The following TNC variants were observed in gnomAD, a reference collection of about 807,000 sequenced individuals.
TNC encodes tenascin C, also known as tenascin.
In TNC, 109 loss-of-function variants were observed where a neutral mutation model predicts 202.4. The observed-to-expected ratio is 0.54, with a 90% CI of 0.46 to 0.63. The LOEUF (loss-of-function observed/expected upper bound fraction) is 0.63, where lower values mean the gene tolerates loss of function less well. TNC is among the 30% of genes least tolerant of loss of function. The pLI is 0.00. For synonymous variants in TNC, 1,007 were observed against 1,089.7 expected, an observed-to-expected ratio of 0.92 and a Z score of 1.50; for missense variants, 2,756 against 2,833.3, an observed-to-expected ratio of 0.97 and a Z score of 0.62.
At chr9:115,042,034 A>C (rs897141413) in intron 18 of TNC, among the ~76,000 whole-genome samples, 185 bp downstream of exon 18, 1 of 152,238 alleles carries the variant, frequency 6.6e-6, no homozygotes, top group African/African-American at 2.4e-5. Flanking sequence ...CTTCACAAGA[A>C]AGTTTCTTCT....
At chr9:115,083,511 C>A (rs1834465971) in intron 4 of TNC, among the ~76,000 whole-genome samples, 1 of 152,040 alleles carries the variant, frequency 6.6e-6, no homozygotes, top group South Asian at 2.1e-4. Context: ...GGATAAGATG[C>A]TTAACCATGC....
At chr9:115,082,435 G>A (rs1834373063) in intron 5 of TNC, among the ~76,000 whole-genome samples, 1 of 152,168 alleles carries the variant, frequency 6.6e-6, no homozygotes, top group Non-Finnish European at 1.5e-5. Flanking sequence ...TTTCTAAGGT[G>A]ATGATGGACA....
intron 9 of TNC, 148 bp downstream of exon 9, chr9:115,075,884 A>G (rs1484776775): frequency 1.5e-6 from 1 of 667,674 alleles, no homozygotes; most frequent in Non-Finnish European, 2.6e-6. Flanking sequence ...GTTCCTTTTG[A>G]ATTTCAACAT....
In TNC at chr9:115,064,041, A is replaced by T; in HGVS notation, c.3515T>A (p.Val1172Glu). ...TGETPNLGEV[V>E]VAEVGWDALK... Reference sequence around the variant, plus strand: ...GGCATCCCAGCCCACCTCGGCCACCACGACCTCTCCCAAATTGGGAGTTTC... The same window carrying T: ...GGCATCCCAGCCCACCTCGGCCACCTCGACCTCTCCCAAATTGGGAGTTTC... Residue 1172 changes from valine (V) to glutamate (E), a missense_variant, in exon 12 of 28, where the codon GTG (valine) becomes GAG (glutamate). Transcript: ENST00000350763. 1 of 1,610,496 alleles carries T rather than the reference A, an allele frequency of 6.2e-7. No individual in the cohort carries two copies. The highest frequency in any genetic ancestry group is 8.5e-7 in the Non-Finnish European group (1 of 1,177,830).
intron 24 of TNC, among the ~76,000 whole-genome samples, chr9:115,029,875 T>C (rs1276774555): frequency 1.3e-5 from 2 of 152,158 alleles, no homozygotes; most frequent in African/African-American, 2.4e-5. Context: ...CCTATGGTAA[T>C]GGGGTCGGAA....
chr9:115,047,204 T>C, intron 16 of TNC, among the ~76,000 whole-genome samples: 1 of 151,798 alleles, frequency 6.6e-6, no homozygotes, highest in East Asian at 1.9e-4. Flanking sequence ...GCTTTGTTCT[T>C]AGTGCTGTTT....
In TNC at chr9:115,076,562, G is replaced by A; in HGVS notation, c.2688C>T (p.Pro896=). 6.2e-7 allele frequency: 1 copy of A among 1,614,168 alleles called. No individual in the cohort carries two copies. Among genetic ancestry groups the A allele is most frequent in the Non-Finnish European group, 8.5e-7 (1 of 1,180,012 alleles). ...KETFTTGLDA[P]RNLRRVSQTD... is the part of the protein sequence containing the mutation. ...TCTGGGAAACACGTCGAAGATTCCT[G>A]GGAGCATCGAGGCCTGTTTGAGAGA... The change falls in exon 8 of 28, where the codon CCC becomes CCT. Residue 896 remains proline, a synonymous_variant. Coordinates refer to ENST00000350763, the MANE Select transcript of TNC (RefSeq NM_002160.4).
At chr9:115,048,724 C>A (rs1383020665) in intron 15 of TNC, among the ~76,000 whole-genome samples, 192 bp from the exon 16 acceptor site, 1 of 152,066 alleles carries the variant, frequency 6.6e-6, no homozygotes, top group Non-Finnish European at 1.5e-5. Flanking sequence ...TCTTAATAGC[C>A]CATGAGGTAG....
intron 7 of TNC, 86 bp downstream of exon 7, chr9:115,077,857 G>A (rs1833995173): frequency 1.4e-6 from 2 of 1,414,128 alleles, no homozygotes; most frequent in Admixed American, 2.0e-5. Context: ...TGTAAAATGA[G>A]CCTGGAAGAT....
rs1256274039 is a variant in TNC, at chr9:115,076,538, C to T, written c.2712G>A (p.Gln904=). ...DAPRNLRRVS[Q]TDNSITLEWR... is the part of the protein sequence containing the mutation. ...ATTCCAGGGTGATGCTGTTATCTGT[C>T]TGGGAAACACGTCGAAGATTCCTGG... is the stretch of plus-strand genomic sequence containing the variant. Residue 904 remains glutamine (Q), a synonymous_variant, in exon 8 of 28, where the codon CAG becomes CAA. Transcript: ENST00000350763. The T allele has an allele frequency of 6.2e-7, 1 of 1,614,170 alleles. No individual in the cohort carries two copies. Among genetic ancestry groups the T allele is most frequent in the South Asian group, 1.1e-5 (1 of 91,082 alleles).
chr9:115,090,125 T>A (rs1835106954), intron 2 of TNC, among the ~76,000 whole-genome samples: 1 of 152,180 alleles, frequency 6.6e-6, no homozygotes, highest in African/African-American at 2.4e-5. Context: ...CCTTCAGGAA[T>A]CCCATCCTCT....
Position 115,021,105 on chromosome 9 carries a change from TC to T in TNC, c.*51del. 3 of 1,458,050 alleles carry T rather than the reference TC, an allele frequency of 2.1e-6. No homozygotes were observed. Among genetic ancestry groups the T allele is most frequent in the Non-Finnish European group, 2.9e-6 (3 of 1,042,472 alleles). The allele number at this position is 1,458,050 out of a possible 1,614,324, so 90.3% of individuals were successfully genotyped here. A position where few individuals can be genotyped will look rare whatever the true frequency, so the allele number is the denominator to read the frequency against. On this transcript the variant is annotated 3_prime_UTR_variant, in exon 28 of 28. Coordinates refer to ENST00000350763, the MANE Select transcript of TNC (RefSeq NM_002160.4). Reference sequence around the variant, plus strand: ...TGGTTGTATTGATGCTTTGGTAAAATCCTTTCCTCGCTCTGGGCCTTATTCC... The same window carrying T: ...TGGTTGTATTGATGCTTTGGTAAAATCTTTCCTCGCTCTGGGCCTTATTCC...
At chr9:115,052,472 G>A (rs1046521520) in intron 15 of TNC, among the ~76,000 whole-genome samples, 5 of 116,926 alleles carry the variant, frequency 4.3e-5, no homozygotes, top group Non-Finnish European at 7.7e-5. Context: ...TGTTCTCACA[G>A]CACAATAAAT....
At chr9:115,105,406 A>G (rs534180105) in intron 1 of TNC, among the ~76,000 whole-genome samples, 2 of 152,218 alleles carry the variant, frequency 1.3e-5, no homozygotes, top group East Asian at 1.9e-4. Context: ...CCTCCCCAAG[A>G]CTTCTGAGGT....
rs149347382 is a variant in TNC at position 115,063,185 on chromosome 9, C to A, written c.3765G>T (p.Glu1255Asp). Residue 1255 changes from glutamate to aspartate, a missense_variant, in exon 13 of 28, where the codon GAG (glutamate) becomes GAT (aspartate). This residue lies in a region of TNC where 2,559 missense variants were observed against 2,546.0 expected (regional missense o/e 1.01). Coordinates refer to ENST00000350763, the MANE Select transcript of TNC (RefSeq NM_002160.4). ...CTGTGAGGTTTCCCATATCTGGAAC[C>A]TCCTCTGCATAAGGACACAGAGTTG... ...TPLSVEVLTEEVPDMGNLTVT... is the reference protein window; with the variant it reads ...TPLSVEVLTEDVPDMGNLTVT... The A allele has an allele frequency of 1.4e-5, 22 of 1,613,824 alleles. No homozygotes were observed. In the African/African-American group the frequency reaches 2.4e-4, roughly 18 times the overall value.
At chr9:115,029,968 A>G (rs1829823084) in intron 24 of TNC, among the ~76,000 whole-genome samples, 1 of 150,056 alleles carries the variant, frequency 6.7e-6, no homozygotes, top group Non-Finnish European at 1.5e-5. Flanking sequence ...AATGGGTTCA[A>G]TGATCAACTG....
chr9:115,067,708 C>A (rs16932160), intron 10 of TNC, among the ~76,000 whole-genome samples: 56,862 of 151,886 alleles, frequency 0.37, 11,093 homozygotes, highest in African/African-American at 0.48. Context: ...ATTGTCCCCA[C>A]ATCCTGTTTC....
chr9:115,095,924 T>G (rs1357757859), intron 1 of TNC, among the ~76,000 whole-genome samples: 3 of 152,022 alleles, frequency 2.0e-5, no homozygotes, highest in African/African-American at 7.2e-5. Flanking sequence ...GGAAGAGACA[T>G]AGTCTTTGCA....
In TNC at chr9:115,069,774, C is replaced by CCCTTCCTTCCTTCCTT. The variant is rs1564467746; in HGVS notation, c.3214+3813_3214+3828dup. On this transcript the variant is annotated intron_variant, in intron 10 of 27. Transcript: ENST00000350763. ...TCCCTCCCTCCCTCCCTCCCTCCCT[C>CCCTTCCTTCCTTCCTT]CCTTCCTTCCTTCCTTCCTTCCTTC... 1.2e-3 allele frequency among the ~76,000 whole-genome samples: 10 copies of CCCTTCCTTCCTTCCTT among 8,332 alleles called. 1 individual carries two copies. The highest frequency in any genetic ancestry group is 2.2e-3 in the Non-Finnish European group (9 of 4,128). 5.5% of individuals were successfully genotyped at this position (8,332 alleles called of 152,430 possible).
Sources: gnomAD v4.1 joint callset for allele counts (sites outside exome capture counted in the v4.1 genomes callset) on GRCh38, gnomAD v4.1.1 for gene constraint, gnomAD v4.1.1 regional missense constraint, MANE v1.5 for transcripts, NCBI Gene and HGNC (gene_info 2026-07-23, HGNC 2026-07-21) for gene names.